The following FBXL13 variants were observed in gnomAD, a reference collection of about 807,000 sequenced individuals.
FBXL13 encodes the protein F-box and leucine-rich repeat protein 13.
A neutral mutation model predicts 83.6 loss-of-function variants in FBXL13; 67 were observed. The observed-to-expected ratio is 0.80, with a 90% CI of 0.66 to 0.98. FBXL13 has a LOEUF of 0.98. Ranked by LOEUF, FBXL13 falls within the 50% of genes least tolerant of loss-of-function variation. The pLI, the probability that FBXL13 is intolerant of heterozygous loss-of-function variation, is 0.00. For synonymous variants in FBXL13, 272 were observed against 299.5 expected, an observed-to-expected ratio of 0.91 and a Z score of 0.95; for missense variants, 822 against 866.5, an observed-to-expected ratio of 0.95 and a Z score of 0.64.
chr7:102,820,462 A>AT (rs1008891994), intron 19 of FBXL13, among the ~76,000 whole-genome samples: 5 of 152,014 alleles, frequency 3.3e-5, no homozygotes, highest in African/African-American at 9.6e-5. Context: ...GCCTTGTTTT[A>AT]TTTTTTTTGC....
intron 18 of FBXL13, among the ~76,000 whole-genome samples, chr7:102,825,265 G>A (rs905280807): frequency 2.6e-5 from 4 of 152,160 alleles, no homozygotes; most frequent in African/African-American, 9.7e-5. Flanking sequence ...GCCCTTAAGA[G>A]GTAATCGGGT....
chr7:102,924,201 G>A (rs2129471461), intron 10 of FBXL13, among the ~76,000 whole-genome samples: 1 of 147,738 alleles, frequency 6.8e-6, no homozygotes, highest in East Asian at 2.0e-4. Flanking sequence ...TTGCGCCATT[G>A]CACTCCACCC....
chr7:102,931,972 G>A (rs756909153), intron 8 of FBXL13, 39 bp from the exon 10 acceptor site: 1 of 1,588,532 alleles, frequency 6.3e-7, no homozygotes, highest in African/African-American at 1.3e-5. Flanking sequence ...ACTACATATT[G>A]CAAATGTTTA....
intron 8 of FBXL13, among the ~76,000 whole-genome samples, chr7:102,954,223 C>T (rs1823885755): frequency 6.6e-6 from 1 of 152,106 alleles, no homozygotes; most frequent in Non-Finnish European, 1.5e-5. Flanking sequence ...GCACTGCTGC[C>T]CAAATACTGC....
intron 2 of FBXL13, 85 bp downstream of exon 2, chr7:103,055,559 G>T: frequency 3.9e-6 from 2 of 517,354 alleles, no homozygotes; most frequent in Non-Finnish European, 6.2e-6. Flanking sequence ...AGCATTCATT[G>T]GCAAGACCTT....
At chr7:102,986,018 C>G (rs753012825) in intron 6 of FBXL13, among the ~76,000 whole-genome samples, 15 of 77,098 alleles carry the variant, frequency 1.9e-4, no homozygotes, top group Non-Finnish European at 3.5e-4. Flanking sequence ...TGGCACGATG[C>G]CCCCCCCCCA....
intron 6 of FBXL13, among the ~76,000 whole-genome samples, chr7:103,017,378 A>G (rs187544938): frequency 6.6e-6 from 1 of 152,206 alleles, no homozygotes; most frequent in African/African-American, 2.4e-5. Flanking sequence ...ACGGGGAAAA[A>G]ACAGAGCAGA....
intron 2 of FBXL13, among the ~76,000 whole-genome samples, chr7:103,051,004 A>T (rs1346178159): frequency 2.0e-5 from 3 of 152,178 alleles, no homozygotes; most frequent in Admixed American, 2.0e-4. Flanking sequence ...TTCCACTGTA[A>T]GTTACCTTTA....
intron 1 of FBXL13, among the ~76,000 whole-genome samples, chr7:103,056,988 C>T (rs887621043): frequency 6.6e-6 from 1 of 152,006 alleles, no homozygotes; most frequent in African/African-American, 2.4e-5. Flanking sequence ...ATGTCCTTAG[C>T]CCACTTTTTG....
rs562667254 is a variant in FBXL13, at chr7:103,060,053, T to C, written c.-104-4306A>G. 3.8e-3 allele frequency among the ~76,000 whole-genome samples: 428 copies of C among 112,654 alleles called. 11 individuals carry two copies. The highest frequency in any genetic ancestry group is 0.012 in the South Asian group (44 of 3,628). The allele number at this position is 112,654 out of a possible 152,430, so 73.9% of individuals were successfully genotyped here. A position where few individuals can be genotyped will look rare whatever the true frequency, so the allele number is the denominator to read the frequency against. On this transcript the variant is annotated intron_variant, in intron 1 of 19. Transcript: ENST00000313221. ...ATATATATATATATATATATATATA[T>C]ATATATATATACTTTTTTTTTTTTT...
At chr7:102,992,258 G>A (rs1829655613) in intron 6 of FBXL13, among the ~76,000 whole-genome samples, 1 of 152,112 alleles carries the variant, frequency 6.6e-6, no homozygotes, top group Non-Finnish European at 1.5e-5. Context: ...TCTCCTAAGT[G>A]GATACTCAAG....
chr7:102,932,621 A>C (rs940011043), intron 8 of FBXL13, among the ~76,000 whole-genome samples: 2 of 152,196 alleles, frequency 1.3e-5, no homozygotes, highest in African/African-American at 4.8e-5. Context: ...TTGAGACAGG[A>C]TCTTGCTCTG....
rs191578004 is a variant in FBXL13 at position 103,054,386 on chromosome 7, T to C, written c.-1+1258A>G. ...GCCTGGGCAGCAGAGCAAGACTCCG[T>C]CTGGAAAAAAAAAAAAAAAAAAGAG... On this transcript the variant is annotated intron_variant, in intron 2 of 19. Coordinates refer to ENST00000313221, the Ensembl canonical transcript of FBXL13. Among the ~76,000 whole-genome samples the C allele has an allele frequency of 2.9e-3, 405 of 137,888 alleles. 1 individual carries two copies. Among genetic ancestry groups the C allele is most frequent in the Admixed American group, 4.5e-3 (62 of 13,636 alleles). 90.5% of individuals were successfully genotyped at this position (137,888 alleles called of 152,430 possible). A position where few individuals can be genotyped will look rare whatever the true frequency, so the allele number is the denominator to read the frequency against.
intron 10 of FBXL13, among the ~76,000 whole-genome samples, chr7:102,923,548 C>T (rs537627046): frequency 2.0e-5 from 3 of 152,234 alleles, no homozygotes; most frequent in South Asian, 4.1e-4. Context: ...TAAGGCCGGG[C>T]GCGGTGGCTC....
At chr7:103,066,219 T>C (rs1420825560) in intron 1 of FBXL13, among the ~76,000 whole-genome samples, 1 of 152,208 alleles carries the variant, frequency 6.6e-6, no homozygotes, top group African/African-American at 2.4e-5. Flanking sequence ...ATTTATACAT[T>C]TTCTGGGAAG....
chr7:102,975,518 G>T (rs986845170), intron 6 of FBXL13, among the ~76,000 whole-genome samples: 1 of 152,140 alleles, frequency 6.6e-6, no homozygotes, highest in Admixed American at 6.5e-5. Flanking sequence ...CGCTGCTGTC[G>T]AGACCACATG....
chr7:102,884,814 C>T (rs372864260), intron 11 of FBXL13, among the ~76,000 whole-genome samples: 1 of 152,114 alleles, frequency 6.6e-6, no homozygotes, highest in African/African-American at 2.4e-5. Flanking sequence ...TCCTCCTGGC[C>T]CCTGGCATCA....
intron 14 of FBXL13, among the ~76,000 whole-genome samples, chr7:102,882,761 CAAAA>C (rs1278333418): frequency 2.3e-5 from 3 of 128,506 alleles, no homozygotes; most frequent in African/African-American, 1.1e-4. Flanking sequence ...GACTCTGTCT[CAAAA>C]ACAAAACAAA....
chr7:103,064,562 T>G (rs1431650965), intron 1 of FBXL13, among the ~76,000 whole-genome samples: 3 of 152,200 alleles, frequency 2.0e-5, no homozygotes, highest in African/African-American at 7.2e-5. Context: ...TGCTTTGAGA[T>G]CCAACTTGAT....
Sources: gnomAD v4.1 joint callset for allele counts (sites outside exome capture counted in the v4.1 genomes callset) on GRCh38, gnomAD v4.1.1 for gene constraint, MANE v1.5 for transcripts, NCBI Gene and HGNC (gene_info 2026-07-23, HGNC 2026-07-21) for gene names.